The following RORA variants were observed in gnomAD, a reference collection of about 807,000 sequenced individuals.
RORA encodes the protein RAR related orphan receptor A.
A neutral mutation model predicts 69.5 loss-of-function variants in RORA; 7 were observed. The ratio of observed to expected loss-of-function variants is 0.10; its 90% confidence interval spans 0.06 to 0.19. The LOEUF (loss-of-function observed/expected upper bound fraction) is 0.19, where lower values mean the gene tolerates loss of function less well. Among genes scored for constraint, RORA ranks in the 10% least tolerant of loss-of-function variants. The pLI, the probability that RORA is intolerant of heterozygous loss-of-function variation, is 1.00. For missense variants in RORA, 457 were observed against 663.0 expected (o/e 0.69, Z 3.41); for synonymous variants, 261 against 240.8 (o/e 1.08, Z -0.78).
At chr15:60,724,493 C>T (rs114021636) in intron 1 of RORA, among the ~76,000 whole-genome samples, 1,640 of 152,268 alleles carry the variant, frequency 0.011, 40 homozygotes, top group African/African-American at 0.038. Flanking sequence ...TCCAGGTGTT[C>T]GGGCTCTCCA....
At chr15:60,821,407 G>A (rs1273879492) in intron 1 of RORA, among the ~76,000 whole-genome samples, 1 of 152,158 alleles carries the variant, frequency 6.6e-6, no homozygotes, top group African/African-American at 2.4e-5. Flanking sequence ...GTCCCCTTAA[G>A]TCCTCCAGAA....
At chr15:60,898,758 C>A (rs1360506639) in intron 1 of RORA, among the ~76,000 whole-genome samples, 1 of 152,026 alleles carries the variant, frequency 6.6e-6, no homozygotes, top group Non-Finnish European at 1.5e-5. Context: ...CAAGGCAATG[C>A]ATTCTGGCTT....
chr15:60,797,658 T>C (rs1377303148), intron 1 of RORA, among the ~76,000 whole-genome samples: 1 of 152,168 alleles, frequency 6.6e-6, no homozygotes, highest in African/African-American at 2.4e-5. Context: ...ATTAACTCCT[T>C]ACGGGCCCAG....
At chr15:61,039,503 C>T (rs1388468046) in intron 1 of RORA, among the ~76,000 whole-genome samples, 1 of 151,834 alleles carries the variant, frequency 6.6e-6, no homozygotes, top group East Asian at 1.9e-4. Flanking sequence ...ATCACGAGGT[C>T]ATGAGTTCGA....
In RORA at chr15:61,229,088, G is replaced by C; in HGVS notation, c.131C>G (p.Pro44Arg). 2 of 1,537,816 alleles carry C rather than the reference G, an allele frequency of 1.3e-6. No homozygotes were observed. Among genetic ancestry groups the C allele is most frequent in the Non-Finnish European group, 1.8e-6 (2 of 1,142,410 alleles). ...GCTGGAATAGCTCTGTCTGCGCACC[G>C]GGGCAGGCGGCTCGCTCTTGCGGGC... is the stretch of plus-strand genomic sequence containing the variant. ...ESARKSEPPA[P>R]VRRQSYSSTS... is the part of the protein sequence containing the mutation. The change falls in exon 1 of 11, where the codon CCG becomes CGG. Residue 44 changes from proline (P) to arginine (R), a missense_variant. By Grantham distance (103) the Pro-to-Arg change is moderately radical. Coordinates refer to ENST00000335670, the MANE Select transcript of RORA (RefSeq NM_134261.3).
chr15:60,819,761 A>ACACACACACACACACACACG (rs1567202046), intron 1 of RORA, among the ~76,000 whole-genome samples: 4 of 138,034 alleles, frequency 2.9e-5, no homozygotes, highest in African/African-American at 1.1e-4. Context: ...ACACACACAC[A>ACACACACACACACACACACG]CACACACACA....
intron 3 of RORA, among the ~76,000 whole-genome samples, chr15:60,525,654 G>T (rs112415934): frequency 6.6e-6 from 1 of 152,158 alleles, no homozygotes; most frequent in South Asian, 2.1e-4. Flanking sequence ...GTGAATGCTC[G>T]TATGCCTGCC....
At position 60,912,641 on chromosome 15, in the gene RORA, C is replaced by T. The variant is rs919726437; in HGVS notation, c.167-233955G>A. On this transcript the variant is annotated intron_variant, in intron 1 of 10. Transcript: ENST00000335670. ...TGGTGGCAGGCGCCTGTAGTCCCAG[C>T]TCCTCAGGAGGCTGAGGCAGGAGAA... 9.2e-5 allele frequency among the ~76,000 whole-genome samples: 14 copies of T among 152,136 alleles called. 1 individual carries two copies. The highest frequency in any genetic ancestry group is 3.4e-4 in the African/African-American group (14 of 41,424).
intron 2 of RORA, among the ~76,000 whole-genome samples, chr15:60,574,700 T>C (rs1460227253): frequency 2.6e-5 from 4 of 152,234 alleles, no homozygotes; most frequent in Non-Finnish European, 5.9e-5. Context: ...ATGTGTTACT[T>C]CCTTCTTCCC....
At chr15:60,611,386 G>C (rs2069081792) in intron 2 of RORA, among the ~76,000 whole-genome samples, 1 of 151,784 alleles carries the variant, frequency 6.6e-6, no homozygotes, top group Non-Finnish European at 1.5e-5. Context: ...GAATGAAAAA[G>C]GGATTCGATT....
At chr15:61,010,557 C>T (rs1242096563) in intron 1 of RORA, among the ~76,000 whole-genome samples, 3 of 152,140 alleles carry the variant, frequency 2.0e-5, no homozygotes, top group Non-Finnish European at 2.9e-5. Context: ...ATCCAAACAT[C>T]CCAGGGGTGT....
intron 1 of RORA, among the ~76,000 whole-genome samples, chr15:60,756,181 G>C (rs2071799359): frequency 6.6e-6 from 1 of 152,218 alleles, no homozygotes; most frequent in South Asian, 2.1e-4. Context: ...TGAATGTAGT[G>C]AATAATTACA....
At position 60,503,463 on chromosome 15, in the gene RORA, C is replaced by T. The variant is rs2065395214; in HGVS notation, c.1075+72G>A. 4 of 1,514,176 alleles carry T rather than the reference C, an allele frequency of 2.6e-6. 1 individual carries two copies. The East Asian group carries it at 9.1e-5, about 35-fold the overall frequency. 93.8% of individuals were successfully genotyped at this position (1,514,176 alleles called of 1,614,324 possible). On this transcript the variant is annotated intron_variant, in intron 7 of 10. Transcript: ENST00000335670. ...AAACTGTTCCCGACACCTTCCTTAC[C>T]AAGCATTTCTTTAATAAGCGGGTGA... is the stretch of plus-strand genomic sequence containing the variant.
At chr15:60,637,990 TA>T (rs1567136822) in intron 2 of RORA, among the ~76,000 whole-genome samples, 1 of 152,196 alleles carries the variant, frequency 6.6e-6, no homozygotes, top group East Asian at 1.9e-4. Context: ...CTTGTGTCTA[TA>T]AAGGGTGGGG....
intron 2 of RORA, among the ~76,000 whole-genome samples, chr15:60,555,454 T>C (rs906009274): frequency 8.5e-5 from 13 of 152,166 alleles, no homozygotes; most frequent in Non-Finnish European, 1.5e-4. Context: ...AAACCAGCAA[T>C]TGTTTACACT....
chr15:60,854,332 C>T (rs1213905578), intron 1 of RORA, among the ~76,000 whole-genome samples: 1 of 152,032 alleles, frequency 6.6e-6, no homozygotes, highest in African/African-American at 2.4e-5. Flanking sequence ...AATTCAAATA[C>T]AAAAATAACT....
chr15:61,219,516 A>G (rs1005575702), intron 1 of RORA, among the ~76,000 whole-genome samples: 1 of 152,204 alleles, frequency 6.6e-6, no homozygotes, highest in African/African-American at 2.4e-5. Flanking sequence ...CGGAGCTTGC[A>G]GTGAGCAGAC....
intron 1 of RORA, among the ~76,000 whole-genome samples, chr15:60,947,110 T>TG (rs1203201391): frequency 1.4e-4 from 18 of 130,692 alleles, no homozygotes; most frequent in East Asian, 4.8e-4. Context: ...GGGAGGGAGG[T>TG]GGGGGGGTCA....
At chr15:60,835,979 T>C (rs753282847) in intron 1 of RORA, among the ~76,000 whole-genome samples, 11 of 152,242 alleles carry the variant, frequency 7.2e-5, no homozygotes, top group Non-Finnish European at 1.0e-4. Flanking sequence ...AAGGCATACA[T>C]GAATACCTAG....
Sources: allele counts gnomAD v4.1 joint callset (sites outside exome capture counted in the v4.1 genomes callset), GRCh38; gene constraint gnomAD v4.1.1; transcripts MANE v1.5; gene names NCBI Gene and HGNC (gene_info 2026-07-23, HGNC 2026-07-21).